Variants in MSR1 observed in about 807,000 individuals in gnomAD.
MSR1 encodes macrophage scavenger receptor types I and II.
In MSR1, 53 loss-of-function variants were observed where a neutral mutation model predicts 47.2. That is an observed-to-expected ratio of 1.12 (90% CI 0.90 to 1.41). The LOEUF is 1.41. MSR1 is among the 40% of genes most tolerant of loss of function. The pLI is 0.00. For synonymous variants in MSR1, 239 were observed against 185.6 expected (o/e 1.29, Z -2.34); for missense variants, 786 against 546.9 (o/e 1.44, Z -4.36).
At chr8:16,173,091 T>C (rs749570667) in intron 3 of MSR1, among the ~76,000 whole-genome samples, 1 of 152,254 alleles carries the variant, frequency 6.6e-6, no homozygotes, top group South Asian at 2.1e-4. Context: ...CTGATACTGA[T>C]GTGTACTTAT....
At chr8:16,167,821 T>C (rs1477899623) in intron 4 of MSR1, among the ~76,000 whole-genome samples, 3 of 152,214 alleles carry the variant, frequency 2.0e-5, no homozygotes, top group East Asian at 3.9e-4. Flanking sequence ...TTCTTCTTTG[T>C]ACACTTTCTC....
intron 6 of MSR1, among the ~76,000 whole-genome samples, chr8:16,153,642 CT>C (rs1800920329): frequency 6.6e-6 from 1 of 151,886 alleles, no homozygotes; most frequent in African/African-American, 2.4e-5. Context: ...ATAAATCCTT[CT>C]ATTTCATACA....
At chr8:16,149,297 A>G (rs181889268) in intron 7 of MSR1, among the ~76,000 whole-genome samples, 4 of 152,254 alleles carry the variant, frequency 2.6e-5, no homozygotes, top group African/African-American at 9.6e-5. Context: ...GGAACTCTCT[A>G]TGCTTTCTGT....
intron 8 of MSR1, among the ~76,000 whole-genome samples, chr8:16,122,309 A>G (rs1374402009): frequency 6.6e-6 from 1 of 152,156 alleles, no homozygotes; most frequent in Non-Finnish European, 1.5e-5. Flanking sequence ...AAATCCAAGA[A>G]TGGATTGTGA....
In MSR1 at chr8:16,171,726, C is replaced by G. The variant is rs147027126; in HGVS notation, c.218-2856G>C. On this transcript the variant is annotated intron_variant, in intron 3 of 9. Transcript: ENST00000262101. The stretch of plus-strand genomic sequence containing the variant: ...ATCAAAATTACTTCAAAATTTTCCT[C>G]TAACGTTGTCCTTTTTTGATTATTA... Among the ~76,000 whole-genome samples the G allele has an allele frequency of 6.9e-3, 1,049 of 152,310 alleles. 12 individuals are homozygous for G. The highest frequency in any genetic ancestry group is 0.023 in the African/African-American group (963 of 41,570).
chr8:16,148,483 G>A (rs1170905141), intron 7 of MSR1, among the ~76,000 whole-genome samples: 1 of 92,834 alleles, frequency 1.1e-5, no homozygotes, highest in Non-Finnish European at 2.2e-5. Context: ...TTTTGAGTCA[G>A]GGTCTCACTG....
At chr8:16,180,786 T>G (rs1801806000) in intron 1 of MSR1, among the ~76,000 whole-genome samples, 1 of 152,158 alleles carries the variant, frequency 6.6e-6, no homozygotes, top group South Asian at 2.1e-4. Flanking sequence ...AGAAGATTCT[T>G]TATTTGGAAG....
intron 9 of MSR1, among the ~76,000 whole-genome samples, chr8:16,110,982 AGAAG>A (rs921847275): frequency 2.6e-4 from 40 of 152,150 alleles, no homozygotes; most frequent in Non-Finnish European, 5.1e-4. Flanking sequence ...TTAAGGCAGA[AGAAG>A]GAAAAGAAAA....
chr8:16,173,736 C>G (rs35297949), intron 3 of MSR1, among the ~76,000 whole-genome samples: 5 of 152,094 alleles, frequency 3.3e-5, no homozygotes, highest in Non-Finnish European at 5.9e-5. Context: ...GCAAGTTCCA[C>G]CTCCTGGGTT....
rs772279728 is a variant in MSR1 at position 16,168,851 on chromosome 8, T to C, written c.237A>G (p.Glu79=). 1 of 1,613,458 alleles carries C rather than the reference T, an allele frequency of 6.2e-7. No homozygotes were observed. Among genetic ancestry groups the C allele is most frequent in the Non-Finnish European group, 8.5e-7 (1 of 1,179,998 alleles). The change falls in exon 4 of 10, where the codon GAA becomes GAG. Residue 79 remains glutamate (E), a synonymous_variant. Coordinates refer to ENST00000262101, the MANE Select transcript of MSR1 (RefSeq NM_138715.3). ...GIVAAQLLKW[E]TKNCSVSSTN... ...TTGAACTAACTGAGCAATTCTTCGT[T>C]TCCCACTTCAGGAGTTGAGCTGTAT...
At chr8:16,170,892 A>G (rs1801465708) in intron 3 of MSR1, among the ~76,000 whole-genome samples, 1 of 152,170 alleles carries the variant, frequency 6.6e-6, no homozygotes, top group Non-Finnish European at 1.5e-5. Flanking sequence ...GCTGAACACT[A>G]ATTAAATAGG....
Position 16,169,659 on chromosome 8 carries a change from T to A in MSR1, c.218-789A>T, listed in dbSNP as rs1585182604. On this transcript the variant is annotated intron_variant, in intron 3 of 9. Transcript: ENST00000262101. ...CTTATCATATTATTATCTTAAAATA[T>A]GACATTTTTAAACAATCTGGAAACA... Among the ~76,000 whole-genome samples the A allele has an allele frequency of 2.6e-5, 4 of 152,250 alleles. 1 individual carries two copies. The highest frequency in any genetic ancestry group is 2.6e-4 in the Admixed American group (4 of 15,290).
At position 16,168,752 on chromosome 8, in the gene MSR1, T is replaced by A. The variant is rs781040334; in HGVS notation, c.336A>T (p.Glu112Asp). ...NDSEEEMRFQ[E>D]VFMEHMSNME... The stretch of plus-strand genomic sequence containing the variant: ...TGTTGCTCATGTGTTCCATAAAGAC[T>A]TCTTGAAATCTCATTTCCTCTTCGC... The change falls in exon 4 of 10, where the codon GAA becomes GAT. Residue 112 changes from glutamate to aspartate, a missense_variant. Glu to Asp is a conservative substitution (Grantham distance 45). Coordinates refer to ENST00000262101, the MANE Select transcript of MSR1 (RefSeq NM_138715.3). The A allele has an allele frequency of 6.2e-7, 1 of 1,614,180 alleles. No homozygotes were observed. Among genetic ancestry groups the A allele is most frequent in the South Asian group, 1.1e-5 (1 of 91,086 alleles).
At chr8:16,163,169 G>C (rs1196071857) in intron 5 of MSR1, among the ~76,000 whole-genome samples, 2 of 151,784 alleles carry the variant, frequency 1.3e-5, no homozygotes, top group Non-Finnish European at 2.9e-5. Flanking sequence ...GAAAAATTCA[G>C]CAAGAGAAAA....
intron 9 of MSR1, among the ~76,000 whole-genome samples, chr8:16,112,132 C>T (rs563377058): frequency 8.5e-5 from 13 of 152,200 alleles, no homozygotes; most frequent in Non-Finnish European, 4.4e-5. Flanking sequence ...GGTTATTTTT[C>T]CTCTGAGGAC....
intron 9 of MSR1, among the ~76,000 whole-genome samples, chr8:16,117,498 C>T (rs181185476): frequency 1.1e-4 from 17 of 152,174 alleles, no homozygotes; most frequent in South Asian, 4.2e-4. Flanking sequence ...GCTTTAGAGT[C>T]GAAAGTGAGT....
chr8:16,181,577 C>A (rs1016085963), intron 1 of MSR1, among the ~76,000 whole-genome samples: 2 of 151,872 alleles, frequency 1.3e-5, no homozygotes, highest in African/African-American at 2.4e-5. Flanking sequence ...CATGATCTCA[C>A]GTATAAGTGG....
At chr8:16,171,341 CATG>C (rs1801482000) in intron 3 of MSR1, among the ~76,000 whole-genome samples, 2 of 150,912 alleles carry the variant, frequency 1.3e-5, no homozygotes, top group South Asian at 2.1e-4. Context: ...TCAAAAAATA[CATG>C]ATACCATATT....
intron 9 of MSR1, among the ~76,000 whole-genome samples, chr8:16,118,804 TTC>T (rs1799934206): frequency 6.6e-6 from 1 of 152,180 alleles, no homozygotes; most frequent in African/African-American, 2.4e-5. Context: ...TGAGGATTTT[TTC>T]TTTTTCCTCT....
Sources: allele counts gnomAD v4.1 joint callset (sites outside exome capture counted in the v4.1 genomes callset), GRCh38; gene constraint gnomAD v4.1.1; transcripts MANE v1.5; gene names NCBI Gene and HGNC (gene_info 2026-07-23, HGNC 2026-07-21).